VWA3B: variants seen among roughly 807,000 people sequenced by gnomAD.
VWA3B encodes von Willebrand factor A domain containing 3B, also known as von Willebrand factor A domain-containing protein 3B.
In VWA3B, 138 loss-of-function variants were observed where a neutral mutation model predicts 158.3. The observed-to-expected ratio is 0.87, with a 90% CI of 0.76 to 1.00. The LOEUF is 1.00. Among genes scored for constraint, VWA3B ranks in the 50% least tolerant of loss-of-function variants. The probability of loss-of-function intolerance (pLI) is 0.00; values close to 1 mark genes in which losing one functional copy is unlikely to be tolerated. For synonymous variants in VWA3B, 596 were observed against 587.3 expected (o/e 1.01, Z -0.21); for missense variants, 1,555 against 1,565.1 (o/e 0.99, Z 0.11).
intron 21 of VWA3B, among the ~76,000 whole-genome samples, chr2:98,266,498 C>A (rs1458179923): frequency 1.3e-5 from 2 of 150,392 alleles, no homozygotes; most frequent in Admixed American, 1.3e-4. Flanking sequence ...CAGCTTTGTT[C>A]TTTTGGCTTA....
intron 1 of VWA3B, among the ~76,000 whole-genome samples, chr2:98,088,668 C>T (rs1276081324): frequency 6.6e-6 from 1 of 152,086 alleles, no homozygotes; most frequent in African/African-American, 2.4e-5. Flanking sequence ...CTTGGTTCCC[C>T]AATTTATAAT....
At position 98,304,493 on chromosome 2, in the gene VWA3B, G is replaced by T. The variant is rs559895042; in HGVS notation, c.3521+691G>T. On this transcript the variant is annotated intron_variant, in intron 26 of 27. Transcript: ENST00000477737. ...TTCCAGTTTCTGTTAGAGCTTGCAG[G>T]CTGTCTTTGGGTGCTAACCTTCATT... is the stretch of plus-strand genomic sequence containing the variant. Among the ~76,000 whole-genome samples the T allele has an allele frequency of 1.2e-4, 19 of 152,256 alleles. No individual in the cohort carries two copies. In the East Asian group the frequency reaches 2.5e-3, roughly 20 times the overall value.
intron 7 of VWA3B, among the ~76,000 whole-genome samples, chr2:98,158,762 G>A (rs1405260680): frequency 7.0e-6 from 1 of 142,900 alleles, no homozygotes; most frequent in Non-Finnish European, 1.5e-5. Context: ...GACGGGGTGG[G>A]TGCAGCGGAG....
chr2:98,232,816 C>A (rs921988518), intron 16 of VWA3B, among the ~76,000 whole-genome samples: 1 of 152,112 alleles, frequency 6.6e-6, no homozygotes, highest in Non-Finnish European at 1.5e-5. Context: ...CTGGTCCCTG[C>A]TGGTGCTACC....
At chr2:98,267,604 A>G (rs1372217206) in intron 21 of VWA3B, among the ~76,000 whole-genome samples, 1 of 152,092 alleles carries the variant, frequency 6.6e-6, no homozygotes, top group Non-Finnish European at 1.5e-5. Context: ...TCCAAAATTG[A>G]CACCCTAACA....
At chr2:98,145,727 GT>G (rs145413200) in intron 7 of VWA3B, among the ~76,000 whole-genome samples, 125 of 145,844 alleles carry the variant, frequency 8.6e-4, no homozygotes, top group Middle Eastern at 7.0e-3. Context: ...TTTCCTGAGT[GT>G]TTTTTTTTTG....
chr2:98,225,497 A>G (rs988247063), intron 14 of VWA3B, among the ~76,000 whole-genome samples: 1 of 152,238 alleles, frequency 6.6e-6, no homozygotes, highest in Non-Finnish European at 1.5e-5. Flanking sequence ...AGTCATACTT[A>G]GTAGTGAAAG....
intron 7 of VWA3B, among the ~76,000 whole-genome samples, chr2:98,137,710 A>G (rs1345846831): frequency 1.3e-5 from 2 of 152,218 alleles, no homozygotes; most frequent in African/African-American, 2.4e-5. Context: ...ATCTCTCACT[A>G]AAGTTTTTAT....
intron 9 of VWA3B, among the ~76,000 whole-genome samples, chr2:98,184,642 C>T (rs1026552449): frequency 3.9e-5 from 6 of 152,244 alleles, no homozygotes; most frequent in African/African-American, 7.2e-5. Context: ...GCCCTCTGGG[C>T]GCATCATCAG....
chr2:98,140,475 T>C (rs1676690098), intron 7 of VWA3B, among the ~76,000 whole-genome samples: 1 of 152,200 alleles, frequency 6.6e-6, no homozygotes, highest in Admixed American at 6.5e-5. Flanking sequence ...CAGCCCAGCA[T>C]TGGCTGGATC....
chr2:98,301,835 T>C (rs546334571), intron 25 of VWA3B, among the ~76,000 whole-genome samples: 14 of 152,362 alleles, frequency 9.2e-5, no homozygotes, highest in Admixed American at 2.6e-4. Flanking sequence ...GGAATCTTTG[T>C]TGACAGGAAG....
At chr2:98,280,777 G>A (rs1688830239) in intron 22 of VWA3B, among the ~76,000 whole-genome samples, 2 of 152,204 alleles carry the variant, frequency 1.3e-5, no homozygotes, top group South Asian at 4.1e-4. Context: ...GGTTTTTAAG[G>A]CAAGGCTAAG....
chr2:98,209,130 A>G (rs1223674138), intron 12 of VWA3B, among the ~76,000 whole-genome samples: 4 of 151,896 alleles, frequency 2.6e-5, no homozygotes, highest in African/African-American at 9.7e-5. Context: ...ATTTCTCTTC[A>G]GCTTTTTTAG....
At chr2:98,273,813 A>G (rs1688355847) in intron 22 of VWA3B, among the ~76,000 whole-genome samples, 1 of 152,212 alleles carries the variant, frequency 6.6e-6, no homozygotes. Context: ...ATTTGCTGGC[A>G]TATTCTTTTA....
At chr2:98,187,922 C>G in intron 9 of VWA3B, 53 bp from the exon 10 acceptor site, 1 of 1,511,278 alleles carries the variant, frequency 6.6e-7, no homozygotes, top group Admixed American at 2.2e-5. Context: ...CATCTGGAGG[C>G]TCTTCTCTTT....
intron 9 of VWA3B, among the ~76,000 whole-genome samples, chr2:98,185,411 A>C (rs958891437): frequency 6.6e-6 from 1 of 152,224 alleles, no homozygotes; most frequent in Non-Finnish European, 1.5e-5. Context: ...ATCTCCGTGC[A>C]GTTAACTGTA....
chr2:98,225,189 T>A lies in VWA3B; in HGVS notation c.2020-3013T>A, dbSNP rs148760350. The stretch of plus-strand genomic sequence containing the variant: ...CTTCATGTGATCCACCTGCCTTGGC[T>A]TCCCAATGTGCTGGGGTTACAGGCA... On this transcript the variant is annotated intron_variant, in intron 14 of 27. Transcript: ENST00000477737. Among the ~76,000 whole-genome samples, 22 of 152,340 alleles carry A rather than the reference T, an allele frequency of 1.4e-4. No homozygotes were observed. In the East Asian group the frequency reaches 4.2e-3, roughly 29 times the overall value.
At chr2:98,310,868 A>T (rs1558786288) in intron 26 of VWA3B, among the ~76,000 whole-genome samples, 1 of 152,226 alleles carries the variant, frequency 6.6e-6, no homozygotes, top group Non-Finnish European at 1.5e-5. Flanking sequence ...TCTTTGAGCC[A>T]ATCTTTGAAA....
intron 7 of VWA3B, among the ~76,000 whole-genome samples, chr2:98,155,163 G>A (rs369860892): frequency 1.3e-5 from 2 of 152,192 alleles, no homozygotes; most frequent in Non-Finnish European, 2.9e-5. Flanking sequence ...CAGGCAGATC[G>A]CTGTGGAGCC....
Sources: allele counts gnomAD v4.1 joint callset (sites outside exome capture counted in the v4.1 genomes callset), GRCh38; gene constraint gnomAD v4.1.1; transcripts MANE v1.5; gene names NCBI Gene and HGNC (gene_info 2026-07-23, HGNC 2026-07-21).